Variants in ATP11B observed in about 807,000 individuals in gnomAD.
ATP11B encodes the protein ATPase phospholipid transporting 11B (putative), also known as phospholipid-transporting ATPase IF.
In ATP11B, 81 loss-of-function variants were observed where a neutral mutation model predicts 157.8. The observed-to-expected ratio is 0.51, with a 90% CI of 0.43 to 0.62. The LOEUF is 0.62. Ranked by LOEUF, ATP11B falls within the 20% of genes least tolerant of loss-of-function variation. The probability of loss-of-function intolerance (pLI) is 0.00; values close to 1 mark genes in which losing one functional copy is unlikely to be tolerated. For missense variants in ATP11B, 1,165 were observed against 1,402.2 expected (o/e 0.83, Z 2.70); for synonymous variants, 451 against 469.4 (o/e 0.96, Z 0.51).
intron 1 of ATP11B, among the ~76,000 whole-genome samples, chr3:182,799,929 T>G (rs1715880543): frequency 6.6e-6 from 1 of 152,016 alleles, no homozygotes; most frequent in Non-Finnish European, 1.5e-5. Context: ...TTGGGCAACA[T>G]AGTGAGACCC....
intron 28 of ATP11B, among the ~76,000 whole-genome samples, chr3:182,901,791 G>A (rs535929484): frequency 5.0e-4 from 76 of 152,212 alleles, no homozygotes; most frequent in African/African-American, 1.8e-3. Context: ...AGTTAAAAGT[G>A]CTTTTATATA....
intron 18 of ATP11B, among the ~76,000 whole-genome samples, chr3:182,872,967 C>T (rs562198909): frequency 7.9e-5 from 12 of 152,284 alleles, no homozygotes; most frequent in African/African-American, 2.9e-4. Context: ...TTCCCTTCAC[C>T]ATCCCTCTGT....
At chr3:182,848,830 G>GA (rs577767376) in intron 10 of ATP11B, among the ~76,000 whole-genome samples, 282 of 150,682 alleles carry the variant, frequency 1.9e-3, no homozygotes, top group Admixed American at 3.0e-3. Flanking sequence ...TTCTAAAACT[G>GA]AAAAAAAAAT....
intron 2 of ATP11B, among the ~76,000 whole-genome samples, chr3:182,824,765 C>G (rs577323626): frequency 6.6e-6 from 1 of 152,170 alleles, no homozygotes; most frequent in African/African-American, 2.4e-5. Flanking sequence ...CTACCTATTA[C>G]GCCACTATTG....
intron 1 of ATP11B, among the ~76,000 whole-genome samples, chr3:182,814,749 A>G (rs1043878128): frequency 2.0e-5 from 3 of 152,204 alleles, no homozygotes; most frequent in Non-Finnish European, 4.4e-5. Flanking sequence ...TCAAGAGTGC[A>G]GTGAGCCGTG....
chr3:182,878,516 GA>G (rs938976835), intron 19 of ATP11B, among the ~76,000 whole-genome samples: 1 of 152,200 alleles, frequency 6.6e-6, no homozygotes, highest in African/African-American at 2.4e-5. Context: ...ATTGTGGGGG[GA>G]AGCAGTTTAA....
At chr3:182,858,171 TGCAGAGAA>T (rs140800187) in intron 11 of ATP11B, 143 bp downstream of exon 11, 14,433 of 690,422 alleles carry the variant, frequency 0.021, 230 homozygotes, top group Non-Finnish European at 0.027. Flanking sequence ...GCATTGCAAA[TGCAGAGAA>T]GCCAGCGTGT....
chr3:182,884,783 C>T lies in ATP11B; in HGVS notation c.2540C>T (p.Ala847Val), dbSNP rs1577074864. The T allele has an allele frequency of 3.8e-6, 6 of 1,597,604 alleles. No individual in the cohort carries two copies. In the South Asian group the frequency reaches 5.8e-5, roughly 15 times the overall value. ...GIMGKEGRQA[A>V]RNSDYAIARF... ...ATGGGTAAAGAAGGAAGACAGGCTG[C>T]AAGAAACAGTGACTATGCAATAGCC... The change falls in exon 22 of 30, where the codon GCA (alanine) becomes GTA (valine). Residue 847 changes from alanine (A) to valine (V), a missense_variant. Ala to Val is a moderately conservative substitution (Grantham distance 64). This residue lies in a region of ATP11B where 737 missense variants were observed against 930.5 expected (regional missense o/e 0.79). Coordinates refer to ENST00000323116, the MANE Select transcript of ATP11B (RefSeq NM_014616.3).
rs1360042269 is a variant in ATP11B at position 182,905,931 on chromosome 3, C to A, written c.3318+7159C>A. 1.3e-5 allele frequency: 6 copies of A among 454,764 alleles called. No individual in the cohort carries two copies. The Admixed American group carries it at 1.4e-4, about 11-fold the overall frequency. 28.2% of individuals were successfully genotyped at this position (454,764 alleles called of 1,614,324 possible). ...GTTGCGTGCACTAGGTAGTACTGCG[C>A]TGGACCTTCCCGGGCACTCATCCGC... On this transcript the variant is annotated intron_variant, in intron 28 of 29. Coordinates refer to ENST00000323116, the MANE Select transcript of ATP11B (RefSeq NM_014616.3).
intron 8 of ATP11B, chr3:182,843,378 G>T (rs1719201919): frequency 6.6e-6 from 1 of 152,066 alleles, no homozygotes; most frequent in African/African-American, 2.4e-5. Context: ...CTGCTTTTTT[G>T]CACTCCTTAT....
At chr3:182,851,838 A>G (rs983299031) in intron 10 of ATP11B, among the ~76,000 whole-genome samples, 1 of 152,232 alleles carries the variant, frequency 6.6e-6, no homozygotes, top group Non-Finnish European at 1.5e-5. Context: ...CAAACAGTCT[A>G]ATGAAGTCAG....
intron 29 of ATP11B, 113 bp from the exon 30 acceptor site, chr3:182,917,909 AT>A: frequency 6.9e-7 from 1 of 1,446,462 alleles, no homozygotes; most frequent in Non-Finnish European, 9.1e-7. Flanking sequence ...TCTCTTTAGT[AT>A]TTAAATGAAT....
chr3:182,850,380 G>A (rs770774704), intron 10 of ATP11B, among the ~76,000 whole-genome samples: 4 of 152,088 alleles, frequency 2.6e-5, no homozygotes, highest in African/African-American at 7.2e-5. Flanking sequence ...GGCTGAGGCA[G>A]GAGAATTGTT....
At chr3:182,884,931 TATAGTA>T in intron 22 of ATP11B, 33 bp downstream of exon 22, 7 of 1,190,840 alleles carry the variant, frequency 5.9e-6, no homozygotes, top group Non-Finnish European at 8.2e-6. Flanking sequence ...CAATTATTGA[TATAGTA>T]ATATGAAGTT....
At chr3:182,893,938 A>G (rs940666636) in intron 25 of ATP11B, among the ~76,000 whole-genome samples, 2 of 152,100 alleles carry the variant, frequency 1.3e-5, no homozygotes, top group Non-Finnish European at 2.9e-5. Flanking sequence ...CCAGGTAGTG[A>G]TGTTGAGTAT....
chr3:182,825,320 A>AT (rs779743938), intron 2 of ATP11B, among the ~76,000 whole-genome samples: 1 of 152,090 alleles, frequency 6.6e-6, no homozygotes, highest in Non-Finnish European at 1.5e-5. Context: ...CCTCTACTTA[A>AT]TATTAAACAT....
intron 10 of ATP11B, among the ~76,000 whole-genome samples, chr3:182,850,376 G>A (rs958890044): frequency 1.3e-5 from 2 of 152,104 alleles, no homozygotes; most frequent in African/African-American, 4.8e-5. Flanking sequence ...AGGAGGCTGA[G>A]GCAGGAGAAT....
chr3:182,817,328 T>C (rs1459418910), intron 1 of ATP11B, among the ~76,000 whole-genome samples: 1 of 152,106 alleles, frequency 6.6e-6, no homozygotes, highest in Non-Finnish European at 1.5e-5. Context: ...GTTGCCAGGC[T>C]GGAGTGCAGT....
At chr3:182,892,184 C>T (rs1223505505) in intron 25 of ATP11B, among the ~76,000 whole-genome samples, 1 of 152,122 alleles carries the variant, frequency 6.6e-6, no homozygotes, top group South Asian at 2.1e-4. Context: ...CTAGAATGCT[C>T]ATGCTTCCCT....
Sources: gnomAD v4.1 joint callset for allele counts (sites outside exome capture counted in the v4.1 genomes callset) on GRCh38, gnomAD v4.1.1 for gene constraint, gnomAD v4.1.1 regional missense constraint, MANE v1.5 for transcripts, NCBI Gene and HGNC (gene_info 2026-07-23, HGNC 2026-07-21) for gene names.